SCML4: variants seen among roughly 807,000 people sequenced by gnomAD.
SCML4 encodes the protein sex comb on midleg-like protein 4.
A neutral mutation model predicts 41.1 loss-of-function variants in SCML4; 34 were observed. The ratio of observed to expected loss-of-function variants is 0.83; its 90% CI spans 0.63 to 1.10. The LOEUF (loss-of-function observed/expected upper bound fraction) is 1.10. Among genes scored for constraint, SCML4 ranks in the 50% least tolerant of loss-of-function variants. SCML4 has a pLI of 0.00. For synonymous variants in SCML4, 214 were observed against 220.9 expected (o/e 0.97, Z 0.28); for missense variants, 522 against 534.1 (o/e 0.98, Z 0.22).
the SCML4 span, among the ~76,000 whole-genome samples, chr6:107,837,222 C>A: frequency 6.6e-6 from 1 of 152,190 alleles, no homozygotes; most frequent in Non-Finnish European, 1.5e-5. Flanking sequence ...CATTGAGAGG[C>A]AATGGTATGG....
rs530851210 is a variant in SCML4 at position 107,815,777 on chromosome 6, G to A, written c.-60+8349C>T. Among the ~76,000 whole-genome samples, 6 of 152,334 alleles carry A rather than the reference G, an allele frequency of 3.9e-5. No individual in the cohort carries two copies. The South Asian group carries it at 1.0e-3, about 26-fold the overall frequency. On this transcript the variant is annotated intron_variant, in intron 1 of 7. Coordinates refer to ENST00000369020, the MANE Select transcript of SCML4 (RefSeq NM_198081.5). ...TTTCTTAAAAATTATGGGTGTGAGT[G>A]AGTCATATTATCCAGGAATTTCACC...
intron 3 of SCML4, among the ~76,000 whole-genome samples, 163 bp downstream of exon 3, chr6:107,749,521 C>T (rs182219866): frequency 1.3e-5 from 2 of 152,308 alleles, no homozygotes; most frequent in East Asian, 3.9e-4. Context: ...AACTGGTGCT[C>T]TCAAAGACTC....
Position 107,794,573 on chromosome 6 carries a change from CTATATA to C in SCML4, c.-59-22193_-59-22188del, listed in dbSNP as rs143474356. ...TATACGTATGTATATGTGTGTGTGTCTATATATATATATGCACATATATATATAATT... is the reference window on the plus strand; with the variant it reads ...TATACGTATGTATATGTGTGTGTGTCTATATATGCACATATATATATAATT... On this transcript the variant is annotated intron_variant, in intron 1 of 7. Transcript: ENST00000369020. Among the ~76,000 whole-genome samples the C allele has an allele frequency of 2.7e-3, 413 of 151,010 alleles. 3 individuals carry two copies. Among genetic ancestry groups the C allele is most frequent in the African/African-American group, 9.9e-3 (406 of 41,178 alleles).
Position 107,749,675 on chromosome 6 carries a change from C to T in SCML4, c.286+9G>A, listed in dbSNP as rs774429199. ...CATCACAGCCTTGGAGTTCATTCTG[C>T]TGACCTACCTGTGAGAGCCTGTGGG... On this transcript the variant is annotated intron_variant, in intron 3 of 7. Coordinates refer to ENST00000369020, the MANE Select transcript of SCML4 (RefSeq NM_198081.5). 4.3e-6 allele frequency: 7 copies of T among 1,613,658 alleles called. No homozygotes were observed. In the Admixed American group the frequency reaches 1.2e-4, roughly 27 times the overall value.
At chr6:107,726,680 T>A (rs887792529) in intron 5 of SCML4, among the ~76,000 whole-genome samples, 3 of 151,526 alleles carry the variant, frequency 2.0e-5, no homozygotes, top group African/African-American at 7.3e-5. Context: ...ACATCATGAG[T>A]CGAATCAAAT....
chr6:107,822,935 AC>A (rs1299222071), intron 1 of SCML4, among the ~76,000 whole-genome samples: 1 of 150,900 alleles, frequency 6.6e-6, no homozygotes, highest in Admixed American at 6.6e-5. Flanking sequence ...CAAATATTAT[AC>A]CCCCCAGATA....
chr6:107,816,563 G>A (rs1784564893), intron 1 of SCML4, among the ~76,000 whole-genome samples: 1 of 152,304 alleles, frequency 6.6e-6, no homozygotes, highest in East Asian at 1.9e-4. Flanking sequence ...AGCTACTGGA[G>A]AAGAAAGGTA....
At chr6:107,721,222 C>T (rs1202319577) in intron 5 of SCML4, among the ~76,000 whole-genome samples, 1 of 152,154 alleles carries the variant, frequency 6.6e-6, no homozygotes, top group Admixed American at 6.5e-5. Flanking sequence ...GAGGTGTGCT[C>T]CTCGGTGCTT....
rs755797831 is a variant in SCML4, at chr6:107,707,966, C to A, written c.1019G>T (p.Ser340Ile). ...QDAQDARRPRSRNPSAWTVED... is the reference protein window; with the variant it reads ...QDAQDARRPRIRNPSAWTVED... ...CACAGTCCAGGCGGAGGGGTTCCTG[C>A]TCCGTGGCCGCCTGGCATCCTGCGC... Residue 340 changes from serine to isoleucine, a missense_variant, in exon 7 of 8, where the codon AGC (serine) becomes ATC (isoleucine). Physicochemically the swap from Ser to Ile is moderately radical, Grantham distance 142. Transcript: ENST00000369020. 3.7e-5 allele frequency: 58 copies of A among 1,551,432 alleles called. No homozygotes were observed. The highest frequency in any genetic ancestry group is 5.1e-5 in the Non-Finnish European group (58 of 1,147,008).
intron 1 of SCML4, among the ~76,000 whole-genome samples, chr6:107,778,265 A>ATATATATAT (rs1781195419): frequency 1.6e-4 from 20 of 128,736 alleles, no homozygotes; most frequent in African/African-American, 2.1e-4. Flanking sequence ...ATATATATAT[A>ATATATATAT]ACTTGAGAAT....
intron 1 of SCML4, among the ~76,000 whole-genome samples, chr6:107,821,458 G>A (rs1359981716): frequency 6.6e-6 from 1 of 152,206 alleles, no homozygotes; most frequent in Non-Finnish European, 1.5e-5. Flanking sequence ...AAAGAAGCTT[G>A]TGTGATCACA....
chr6:107,756,741 C>T (rs1044815185), intron 2 of SCML4, among the ~76,000 whole-genome samples: 6 of 152,158 alleles, frequency 3.9e-5, no homozygotes, highest in African/African-American at 1.2e-4. Context: ...CTCTGCAATA[C>T]TTCTGTAAAC....
intron 5 of SCML4, among the ~76,000 whole-genome samples, chr6:107,731,620 T>C (rs1776556109): frequency 6.6e-6 from 1 of 152,168 alleles, no homozygotes; most frequent in Admixed American, 6.5e-5. Context: ...CCTGACCCCT[T>C]TGCCGGTCTG....
At chr6:107,806,608 A>G (rs1783749076) in intron 1 of SCML4, among the ~76,000 whole-genome samples, 1 of 152,148 alleles carries the variant, frequency 6.6e-6, no homozygotes, top group Non-Finnish European at 1.5e-5. Flanking sequence ...TTGGGCCTCC[A>G]AAGCCGGCAC....
intron 2 of SCML4, among the ~76,000 whole-genome samples, chr6:107,767,638 C>A (rs187713686): frequency 6.6e-6 from 1 of 152,308 alleles, no homozygotes; most frequent in South Asian, 2.1e-4. Context: ...AGAAGCCTGT[C>A]CTTTAGGTAC....
Position 107,817,045 on chromosome 6 carries a change from C to T in SCML4, c.-60+7081G>A, listed in dbSNP as rs560927263. Among the ~76,000 whole-genome samples, 13 of 152,304 alleles carry T rather than the reference C, an allele frequency of 8.5e-5. No homozygotes were observed. The South Asian group carries it at 2.3e-3, about 27-fold the overall frequency. Reference sequence around the variant, plus strand: ...TAACTTTGTCCTGGAAGTTCCGTAACCTGTGTTATCTGCTGTTAAAAATTT... The same window carrying T: ...TAACTTTGTCCTGGAAGTTCCGTAATCTGTGTTATCTGCTGTTAAAAATTT... On this transcript the variant is annotated intron_variant, in intron 1 of 7. Coordinates refer to ENST00000369020, the MANE Select transcript of SCML4 (RefSeq NM_198081.5).
At chr6:107,769,124 G>A (rs2883361) in intron 2 of SCML4, among the ~76,000 whole-genome samples, 119,348 of 151,976 alleles carry the variant, frequency 0.79, 47,017 homozygotes, top group East Asian at 0.93. Flanking sequence ...TAGTCAGAGT[G>A]TGGCTCTTCA....
At chr6:107,778,150 G>A (rs1781106106) in intron 1 of SCML4, among the ~76,000 whole-genome samples, 1 of 138,464 alleles carries the variant, frequency 7.2e-6, no homozygotes, top group Non-Finnish European at 1.5e-5. Context: ...GGGAGATCAC[G>A]CCACTGCACT....
chr6:107,726,436 G>T (rs998594147), intron 5 of SCML4, among the ~76,000 whole-genome samples: 2 of 150,040 alleles, frequency 1.3e-5, no homozygotes, highest in Non-Finnish European at 2.9e-5. Context: ...GGGAGGCTGA[G>T]GCAGGAGAAT....
Sources: allele counts gnomAD v4.1 joint callset (sites outside exome capture counted in the v4.1 genomes callset), GRCh38; gene constraint gnomAD v4.1.1; transcripts MANE v1.5; gene names NCBI Gene and HGNC (gene_info 2026-07-23, HGNC 2026-07-21).